Variants in RGS8 observed in about 807,000 individuals in gnomAD.
RGS8 encodes regulator of G protein signaling 8, also known as regulator of G-protein signaling 8.
In RGS8, 8 loss-of-function variants were observed where a neutral mutation model predicts 21.7. The ratio of observed to expected loss-of-function variants is 0.37; its 90% confidence interval spans 0.22 to 0.66. The LOEUF (loss-of-function observed/expected upper bound fraction) is 0.66. Ranked by LOEUF, RGS8 falls within the 30% of genes least tolerant of loss-of-function variation. RGS8 has a pLI of 0.59. For synonymous variants in RGS8, 80 were observed against 83.6 expected (o/e 0.96, Z 0.24); for missense variants, 157 against 217.9 (o/e 0.72, Z 1.76).
the RGS8 span, among the ~76,000 whole-genome samples, chr1:182,701,188 G>A: frequency 6.6e-6 from 1 of 152,202 alleles, no homozygotes; most frequent in South Asian, 2.1e-4. Flanking sequence ...TGGACAACAG[G>A]CAACCATTGC....
chr1:182,655,912 G>C (rs1663253036), intron 5 of RGS8, among the ~76,000 whole-genome samples: 1 of 152,166 alleles, frequency 6.6e-6, no homozygotes, highest in Non-Finnish European at 1.5e-5. Context: ...CTCCTAAGCA[G>C]ACAGAGGCTC....
At chr1:182,657,449 G>A (rs1016881621) in intron 5 of RGS8, among the ~76,000 whole-genome samples, 19 of 152,072 alleles carry the variant, frequency 1.2e-4, no homozygotes, top group African/African-American at 4.3e-4. Flanking sequence ...CATCTCTCAG[G>A]GTGACATGCT....
the RGS8 span, among the ~76,000 whole-genome samples, chr1:182,695,844 A>G: frequency 1.3e-5 from 2 of 152,240 alleles, no homozygotes; most frequent in African/African-American, 2.4e-5. Context: ...GCATATGCTT[A>G]AGATAAATAT....
the RGS8 span, among the ~76,000 whole-genome samples, chr1:182,712,636 G>A: frequency 6.6e-6 from 1 of 152,312 alleles, no homozygotes; most frequent in East Asian, 1.9e-4. Flanking sequence ...TAACACAGAA[G>A]TATTCTATTC....
exon 1 of RGS8, chr1:182,671,886 G>A: frequency 6.7e-7 from 1 of 1,490,358 alleles, no homozygotes; most frequent in Non-Finnish European, 8.9e-7. Flanking sequence ...CGGCCCCACT[G>A]AAAGCTCTTC....
intron 5 of RGS8, among the ~76,000 whole-genome samples, chr1:182,650,493 C>T (rs189056538): frequency 6.6e-6 from 1 of 152,172 alleles, no homozygotes; most frequent in South Asian, 2.1e-4. Context: ...AGAAAGGTTT[C>T]CGGGTGACTC....
At chr1:182,731,444 A>AAT in the RGS8 span, among the ~76,000 whole-genome samples, 4 of 152,366 alleles carry the variant, frequency 2.6e-5, no homozygotes, top group Non-Finnish European at 2.9e-5. Flanking sequence ...ATCCCAAGGA[A>AAT]ATAGAGTAAG....
exon 4 of RGS8, chr1:182,666,877 A>G (rs749376824): frequency 3.1e-6 from 5 of 1,612,122 alleles, no homozygotes; most frequent in Middle Eastern, 1.6e-4. Context: ...CTCACTTGAG[A>G]GCGCGGTTGG....
At chr1:182,673,418 A>C (rs1394204891), upstream of RGS8, among the ~76,000 whole-genome samples, 3 of 152,228 alleles carry the variant, frequency 2.0e-5, no homozygotes, top group East Asian at 5.8e-4. Context: ...CCAGAATTTG[A>C]GTCTTATGAC....
the RGS8 span, among the ~76,000 whole-genome samples, chr1:182,746,212 C>T: frequency 3.3e-5 from 5 of 152,270 alleles, no homozygotes; most frequent in African/African-American, 1.2e-4. Flanking sequence ...TCCACCAATC[C>T]GCTGCTATCC....
chr1:182,724,246 A>ATATATATATATATATC, the RGS8 span, among the ~76,000 whole-genome samples: 29 of 107,126 alleles, frequency 2.7e-4, no homozygotes, highest in East Asian at 1.5e-3. Context: ...ATATATATAT[A>ATATATATATATATATC]TCCTATTATT....
At chr1:182,686,913 A>C (rs1664725000), upstream of RGS8, among the ~76,000 whole-genome samples, 1 of 152,208 alleles carries the variant, frequency 6.6e-6, no homozygotes, top group African/African-American at 2.4e-5. Flanking sequence ...TGAGAGAAAG[A>C]GAGTAGGAGG....
the RGS8 span, among the ~76,000 whole-genome samples, chr1:182,719,618 T>G: frequency 6.6e-6 from 1 of 151,922 alleles, no homozygotes; most frequent in South Asian, 2.1e-4. Context: ...CCCGTAAAGA[T>G]GAGGTCTCAC....
chr1:182,645,753 G>A (rs951615299), downstream of RGS8: 4 of 152,182 alleles, frequency 2.6e-5, no homozygotes, highest in Admixed American at 6.5e-5. Flanking sequence ...TGGAAGGGGG[G>A]AGGTGGAGAT....
At chr1:182,717,414 T>G in the RGS8 span, among the ~76,000 whole-genome samples, 2 of 152,214 alleles carry the variant, frequency 1.3e-5, no homozygotes, top group African/African-American at 4.8e-5. Context: ...ATCTCCTTCC[T>G]TTTACATGCC....
At chr1:182,710,005 G>C in the RGS8 span, among the ~76,000 whole-genome samples, 1 of 152,084 alleles carries the variant, frequency 6.6e-6, no homozygotes, top group East Asian at 1.9e-4. Context: ...TTCCATCCTT[G>C]TTTCACTAAG....
the RGS8 span, among the ~76,000 whole-genome samples, chr1:182,705,279 A>T: frequency 6.6e-6 from 1 of 152,202 alleles, no homozygotes; most frequent in Non-Finnish European, 1.5e-5. Flanking sequence ...CCCATGCCTG[A>T]CAGCAGAAGA....
At chr1:182,716,156 C>T in the RGS8 span, among the ~76,000 whole-genome samples, 4 of 148,720 alleles carry the variant, frequency 2.7e-5, no homozygotes, top group Admixed American at 2.0e-4. Flanking sequence ...GACAGAGTCT[C>T]ACTTTGTCGC....
intron 5 of RGS8, among the ~76,000 whole-genome samples, chr1:182,656,870 C>A (rs9660755): frequency 0.072 from 11,024 of 152,258 alleles, 757 homozygotes; most frequent in African/African-American, 0.16. Flanking sequence ...CCTGCCCTCA[C>A]CCCTCCTCCT....
Sources: gnomAD v4.1 joint callset for allele counts (sites outside exome capture counted in the v4.1 genomes callset) on GRCh38, gnomAD v4.1.1 for gene constraint, MANE v1.5 for transcripts, NCBI Gene and HGNC (gene_info 2026-07-23, HGNC 2026-07-21) for gene names.